NBPF26: variants seen among roughly 807,000 people sequenced by gnomAD.
The protein encoded by NBPF26 is NBPF family member NBPF26.
NBPF26 carries 79 observed loss-of-function variants against 119.6 expected under a neutral mutation model. The ratio of observed to expected loss-of-function variants is 0.66; its 90% CI spans 0.55 to 0.80. The LOEUF (loss-of-function observed/expected upper bound fraction) is 0.80. NBPF26 is among the 30% of genes least tolerant of loss of function. The pLI is 0.00. For missense variants in NBPF26, 800 were observed against 1,198.2 expected (o/e 0.67, Z 4.91); for synonymous variants, 299 against 457.7 (o/e 0.65, Z 4.43).
intron 2 of NBPF26, among the ~76,000 whole-genome samples, chr1:120,765,677 A>G (rs1181334296): frequency 4.0e-5 from 4 of 99,818 alleles, no homozygotes; most frequent in African/African-American, 1.5e-4. Flanking sequence ...GGACACATGC[A>G]CATGTGTGTT....
Sources: allele counts gnomAD v4.1 joint callset (sites outside exome capture counted in the v4.1 genomes callset), GRCh38; gene constraint gnomAD v4.1.1; transcripts MANE v1.5; gene names NCBI Gene and HGNC (gene_info 2026-07-23, HGNC 2026-07-21).